DMD: variants seen among roughly 807,000 people sequenced by gnomAD.
DMD encodes the protein dystrophin, also known as mutant dystrophin.
Under a neutral mutation model 330.1 loss-of-function variants are expected in DMD, and 63 were observed. That is an observed-to-expected ratio of 0.19 (90% CI 0.16 to 0.24). The LOEUF is 0.24. DMD is among the 10% of genes least tolerant of loss of function. The pLI, the probability that DMD is intolerant of heterozygous loss-of-function variation, is 1.00. For missense variants in DMD, 3,344 were observed against 2,684.1 expected (o/e 1.25, Z -5.43); for synonymous variants, 1,223 against 959.8 (o/e 1.27, Z -5.07).
chrX:33,322,081 C>T (rs917320408), intron 1 of DMD, among the ~76,000 whole-genome samples: 1 of 111,665 alleles, frequency 9.0e-6, no homozygotes, highest in South Asian at 3.7e-4. Context: ...AGTAAGACTG[C>T]TTTGCTTTCT....
intron 60 of DMD, among the ~76,000 whole-genome samples, chrX:31,437,040 G>C (rs2064582895): frequency 8.9e-6 from 1 of 111,835 alleles, no homozygotes; most frequent in Non-Finnish European, 1.9e-5. Context: ...GAATATGTTA[G>C]AGCAGTTTTT....
intron 44 of DMD, among the ~76,000 whole-genome samples, chrX:32,148,935 T>C (rs2096791421): frequency 8.9e-6 from 1 of 111,863 alleles, no homozygotes; most frequent in South Asian, 3.8e-4. Flanking sequence ...CAAGAAGAGT[T>C]CACTTGGCTA....
intron 5 of DMD, 73 bp downstream of exon 5, chrX:32,823,222 C>T: frequency 1.1e-6 from 1 of 872,637 alleles, no homozygotes; most frequent in Non-Finnish European, 1.7e-6. Context: ...ACATTTGTTT[C>T]ACACGTCAAG....
intron 45 of DMD, among the ~76,000 whole-genome samples, chrX:31,959,285 G>T (rs2095277294): frequency 9.0e-6 from 1 of 111,312 alleles, no homozygotes; most frequent in Admixed American, 9.6e-5. Flanking sequence ...AATTCTTTGA[G>T]ATTTCAAATC....
intron 42 of DMD, among the ~76,000 whole-genome samples, chrX:32,305,277 G>A (rs1452593512): frequency 9.0e-6 from 1 of 111,276 alleles, no homozygotes; most frequent in African/African-American, 3.3e-5. Flanking sequence ...TTCCAGAGGA[G>A]AAAGATCTTA....
At chrX:32,422,331 T>A (rs1282107898) in intron 29 of DMD, among the ~76,000 whole-genome samples, 2 of 111,484 alleles carry the variant, frequency 1.8e-5, no homozygotes, top group Non-Finnish European at 3.8e-5. Context: ...AATTAGAAAA[T>A]CAGAGGGAGT....
intron 30 of DMD, among the ~76,000 whole-genome samples, chrX:32,399,970 C>T (rs1223129456): frequency 3.6e-5 from 4 of 111,288 alleles, no homozygotes; most frequent in Non-Finnish European, 7.5e-5. Flanking sequence ...GCCTAATTGC[C>T]CTGGCCAGAA....
intron 76 of DMD, among the ~76,000 whole-genome samples, chrX:31,139,474 TACACACACACACACACACACAC>T (rs57784155): frequency 1.0e-5 from 1 of 98,585 alleles, no homozygotes; most frequent in Non-Finnish European, 2.0e-5. Flanking sequence ...GGTGTTTATA[TACACACACACACACACACACAC>T]ACACACACAC....
chrX:31,773,135 C>T (rs1013487337), intron 51 of DMD, among the ~76,000 whole-genome samples: 5 of 112,248 alleles, frequency 4.5e-5, no homozygotes, highest in Non-Finnish European at 9.4e-5. Context: ...ACCTAAATAC[C>T]TTCAGCACAA....
intron 55 of DMD, among the ~76,000 whole-genome samples, chrX:31,585,047 C>T (rs762387648): frequency 1.8e-5 from 2 of 110,234 alleles, no homozygotes; most frequent in East Asian, 2.8e-4. Flanking sequence ...TCCAATGAGG[C>T]GCGGTGGCTC....
rs1196829283 is a variant in DMD, at chrX:33,009,997, C to CATGT, written c.93+10141_93+10142insACAT. Among the ~76,000 whole-genome samples, 22 of 25,344 alleles carry CATGT rather than the reference C, an allele frequency of 8.7e-4. 1 individual carries two copies. The highest frequency in any genetic ancestry group is 3.5e-3 in the African/African-American group (19 of 5,358). The allele number at this position is 25,344 out of a possible 115,157, so 22.0% of individuals were successfully genotyped here. ...GTGTATACACATGTGTGTATATACACGTATGTATGTGTATATACACATATG... is the reference window on the plus strand; with the variant it reads ...GTGTATACACATGTGTGTATATACACATGTGTATGTATGTGTATATACACATATG... On this transcript the variant is annotated intron_variant, in intron 2 of 78. Coordinates refer to ENST00000357033, the MANE Select transcript of DMD (RefSeq NM_004006.3).
At chrX:31,470,303 C>T (rs1032845926) in intron 59 of DMD, among the ~76,000 whole-genome samples, 15 of 111,317 alleles carry the variant, frequency 1.3e-4, no homozygotes, top group African/African-American at 2.9e-4. Context: ...TCCTCATCTT[C>T]GTGGATTTAT....
At chrX:33,154,258 G>C (rs976266746) in intron 1 of DMD, among the ~76,000 whole-genome samples, 2 of 110,693 alleles carry the variant, frequency 1.8e-5, no homozygotes, top group African/African-American at 6.6e-5. Context: ...TTAGCCAGGC[G>C]TGGTGGTGGG....
chrX:31,537,077 C>T (rs1031827338), intron 55 of DMD, among the ~76,000 whole-genome samples: 3 of 112,148 alleles, frequency 2.7e-5, no homozygotes, highest in African/African-American at 9.7e-5. Flanking sequence ...TTAGTTACCA[C>T]CAAGTAATTA....
chrX:32,554,088 T>C lies in DMD; in HGVS notation c.1993-8754A>G, dbSNP rs573568881. 1.5e-4 allele frequency among the ~76,000 whole-genome samples: 17 copies of C among 112,312 alleles called. No individual in the cohort carries two copies. In the South Asian group the frequency reaches 5.1e-3, roughly 34 times the overall value. On this transcript the variant is annotated intron_variant, in intron 16 of 78. Transcript: ENST00000357033. ...CACCTCTGCAGTTCTTTGAAACTAA[T>C]GAGAACAAAGAGACAATTTATCAGA...
intron 1 of DMD, among the ~76,000 whole-genome samples, chrX:33,043,526 C>A (rs1173764736): frequency 9.0e-6 from 1 of 110,520 alleles, no homozygotes; most frequent in Non-Finnish European, 1.9e-5. Context: ...CCCTTTTTTG[C>A]CTACTCTTTA....
At chrX:31,752,809 C>T (rs2088703256) in intron 51 of DMD, among the ~76,000 whole-genome samples, 1 of 111,470 alleles carries the variant, frequency 9.0e-6, no homozygotes, top group African/African-American at 3.3e-5. Flanking sequence ...CCCCTCCACA[C>T]CCACTCATAA....
intron 44 of DMD, among the ~76,000 whole-genome samples, chrX:31,984,875 G>C (rs1038927088): frequency 2.4e-4 from 27 of 112,107 alleles, no homozygotes; most frequent in African/African-American, 7.4e-4. Context: ...TGCTGCAACA[G>C]TGTGATGTCT....
At chrX:31,881,864 G>C (rs1381601836) in intron 47 of DMD, among the ~76,000 whole-genome samples, 1 of 111,984 alleles carries the variant, frequency 8.9e-6, no homozygotes, top group East Asian at 2.8e-4. Context: ...GTTAAGAAAT[G>C]CATGACTATA....
Sources: allele counts gnomAD v4.1 joint callset (sites outside exome capture counted in the v4.1 genomes callset), GRCh38; gene constraint gnomAD v4.1.1; transcripts MANE v1.5; gene names NCBI Gene and HGNC (gene_info 2026-07-23, HGNC 2026-07-21).